The following LANCL2 variants were observed in gnomAD, a reference collection of about 807,000 sequenced individuals.
LANCL2 encodes the protein lanC-like protein 2.
A neutral mutation model predicts 56.9 loss-of-function variants in LANCL2; 33 were observed. The ratio of observed to expected loss-of-function variants is 0.58; its 90% CI spans 0.44 to 0.78. LANCL2 has a LOEUF of 0.78. LANCL2 is among the 30% of genes least tolerant of loss of function. The pLI, the probability that LANCL2 is intolerant of heterozygous loss-of-function variation, is 0.00. For missense variants in LANCL2, 562 were observed against 580.2 expected, an observed-to-expected ratio of 0.97 and a Z score of 0.32; for synonymous variants, 233 against 228.2, an observed-to-expected ratio of 1.02 and a Z score of -0.19.
intron 6 of LANCL2, among the ~76,000 whole-genome samples, chr7:55,422,289 G>A (rs1165400401): frequency 1.3e-5 from 2 of 152,002 alleles, no homozygotes; most frequent in Non-Finnish European, 2.9e-5. Flanking sequence ...AGTTTTGCTG[G>A]GTGTGGAATT....
At chr7:55,385,408 T>A (rs535659660) in intron 1 of LANCL2, among the ~76,000 whole-genome samples, 1 of 152,118 alleles carries the variant, frequency 6.6e-6, no homozygotes, top group African/African-American at 2.4e-5. Context: ...ATCATGTAGG[T>A]TCTTTTCTAT....
At position 55,365,571 on chromosome 7, in the gene LANCL2, C is replaced by A. The variant is rs78936413; in HGVS notation, c.-455C>A. On this transcript the variant is annotated 5_prime_UTR_variant, in exon 1 of 9. Coordinates refer to ENST00000254770, the MANE Select transcript of LANCL2 (RefSeq NM_018697.4). ...GCGACCTCTTCTCTACAGGTTTTCC[C>A]CGCGGGAGCGTGGCCCTAGCGGGCG... 16,518 of 153,672 alleles carry A rather than the reference C, an allele frequency of 0.11. 961 individuals carry two copies. The highest frequency in any genetic ancestry group is 0.16 in the Middle Eastern group (47 of 302). 9.5% of individuals were successfully genotyped at this position (153,672 alleles called of 1,614,324 possible).
chr7:55,422,324 G>A (rs564539452), intron 6 of LANCL2, among the ~76,000 whole-genome samples: 1 of 151,152 alleles, frequency 6.6e-6, no homozygotes, highest in Admixed American at 6.6e-5. Flanking sequence ...TTTTCTTTTC[G>A]GTGCTTTAAA....
At chr7:55,406,027 C>T (rs972274868) in intron 5 of LANCL2, among the ~76,000 whole-genome samples, 3 of 152,134 alleles carry the variant, frequency 2.0e-5, no homozygotes, top group Non-Finnish European at 2.9e-5. Context: ...CAGCCTGCAG[C>T]TAATCATACG....
intron 1 of LANCL2, among the ~76,000 whole-genome samples, chr7:55,380,115 G>C (rs899810699): frequency 6.6e-6 from 1 of 152,152 alleles, no homozygotes; most frequent in African/African-American, 2.4e-5. Context: ...GAAAGCTAAT[G>C]GTATGTTTTA....
intron 1 of LANCL2, among the ~76,000 whole-genome samples, chr7:55,366,530 G>T (rs1158152228): frequency 6.6e-6 from 1 of 152,160 alleles, no homozygotes; most frequent in Non-Finnish European, 1.5e-5. Flanking sequence ...TTGTGCACTC[G>T]TGAGGCCCGC....
At chr7:55,424,846 G>A (rs375017013) in intron 6 of LANCL2, among the ~76,000 whole-genome samples, 2 of 152,286 alleles carry the variant, frequency 1.3e-5, no homozygotes, top group East Asian at 1.9e-4. Context: ...TCAGATCAGC[G>A]GCCACATTAG....
rs1479855123 is a variant in LANCL2, at chr7:55,365,818, C to T, written c.-208C>T. ...CGCCAGGAACAGGGCAGAGGCACAG[C>T]GCCCACCGCCTCTGCGGCCGCCTGA... On this transcript the variant is annotated 5_prime_UTR_variant, in exon 1 of 9. Transcript: ENST00000254770. 2.2e-6 allele frequency: 1 copy of T among 444,732 alleles called. No individual in the cohort carries two copies. The highest frequency in any genetic ancestry group is 4.0e-6 in the Non-Finnish European group (1 of 251,496). The allele number at this position is 444,732 out of a possible 1,614,324, so 27.5% of individuals were successfully genotyped here. A position where few individuals can be genotyped will look rare whatever the true frequency, so the allele number is the denominator to read the frequency against.
chr7:55,417,050 G>GCTCA (rs1790550699), intron 6 of LANCL2, among the ~76,000 whole-genome samples: 1 of 132,566 alleles, frequency 7.5e-6, no homozygotes, highest in Admixed American at 9.4e-5. Flanking sequence ...CACGATCTCT[G>GCTCA]CTCACTACAA....
chr7:55,402,623 G>A lies in LANCL2; in HGVS notation c.825+1303G>A, dbSNP rs1268294087. 2.9e-4 allele frequency among the ~76,000 whole-genome samples: 32 copies of A among 110,560 alleles called. 1 individual carries two copies. The highest frequency in any genetic ancestry group is 9.0e-4 in the African/African-American group (24 of 26,726). The allele number at this position is 110,560 out of a possible 152,430, so 72.5% of individuals were successfully genotyped here. ...GGGATGACCCCCCCACCTCCCTCCCGGATGGGGCGGCTGGCTGGGCGGGGG... is the reference window on the plus strand; with the variant it reads ...GGGATGACCCCCCCACCTCCCTCCCAGATGGGGCGGCTGGCTGGGCGGGGG... On this transcript the variant is annotated intron_variant, in intron 5 of 8. Transcript: ENST00000254770.
At chr7:55,409,939 A>T (rs1272659011) in intron 5 of LANCL2, among the ~76,000 whole-genome samples, 2 of 152,242 alleles carry the variant, frequency 1.3e-5, no homozygotes, top group Non-Finnish European at 2.9e-5. Context: ...TATAGTCTGT[A>T]AAGAACACAG....
chr7:55,423,438 C>G (rs1359773596), intron 6 of LANCL2, among the ~76,000 whole-genome samples: 2 of 152,242 alleles, frequency 1.3e-5, no homozygotes, highest in African/African-American at 4.8e-5. Context: ...TGTGTGATTT[C>G]AGAACACAGC....
At chr7:55,411,649 T>G (rs1315932861) in intron 5 of LANCL2, among the ~76,000 whole-genome samples, 1 of 152,192 alleles carries the variant, frequency 6.6e-6, no homozygotes, top group Non-Finnish European at 1.5e-5. Context: ...CACTTGCCAT[T>G]TAATCATTTC....
chr7:55,419,558 C>A (rs192162020), intron 6 of LANCL2, among the ~76,000 whole-genome samples: 8 of 151,970 alleles, frequency 5.3e-5, no homozygotes, highest in African/African-American at 1.9e-4. Context: ...CGAGGTACCA[C>A]GCCTGACTAA....
intron 5 of LANCL2, among the ~76,000 whole-genome samples, chr7:55,407,895 G>A (rs569119230): frequency 6.6e-5 from 10 of 152,314 alleles, no homozygotes; most frequent in South Asian, 6.2e-4. Context: ...GATTCCCACC[G>A]TTCCGCAGCC....
At position 55,366,140 on chromosome 7, in the gene LANCL2, C is replaced by G. The variant is rs370577210; in HGVS notation, c.115C>G (p.Leu39Val). 2.5e-5 allele frequency: 38 copies of G among 1,548,496 alleles called. No individual in the cohort carries two copies. The highest frequency in any genetic ancestry group is 3.3e-5 in the Non-Finnish European group (38 of 1,144,744). Residue 39 changes from leucine to valine, a missense_variant, in exon 1 of 9, where the codon CTC (leucine) becomes GTC (valine). Physicochemically the swap from Leu to Val is conservative, Grantham distance 32. Transcript: ENST00000254770. ...PDYEAAAGAL[L>V]ASGAAEETGC... ...CTACGAGGCCGCCGCCGGGGCGCTG[C>G]TCGCCTCCGGAGCGGCCGAAGAGAC...
intron 5 of LANCL2, among the ~76,000 whole-genome samples, chr7:55,407,900 G>T (rs986834703): frequency 1.3e-5 from 2 of 152,182 alleles, no homozygotes; most frequent in African/African-American, 2.4e-5. Context: ...CCACCGTTCC[G>T]CAGCCCCTCC....
At chr7:55,366,821 G>T (rs1313399452) in intron 1 of LANCL2, among the ~76,000 whole-genome samples, 2 of 152,188 alleles carry the variant, frequency 1.3e-5, no homozygotes, top group Non-Finnish European at 2.9e-5. Flanking sequence ...ACGTGAAAAA[G>T]ACACAAAGAA....
chr7:55,369,363 CTCTA>C (rs1789911739), intron 1 of LANCL2, among the ~76,000 whole-genome samples: 1 of 152,196 alleles, frequency 6.6e-6, no homozygotes, highest in African/African-American at 2.4e-5. Flanking sequence ...AAGTCATTCA[CTCTA>C]TCTCATTTTA....
Sources: gnomAD v4.1 joint callset for allele counts (sites outside exome capture counted in the v4.1 genomes callset) on GRCh38, gnomAD v4.1.1 for gene constraint, MANE v1.5 for transcripts, NCBI Gene and HGNC (gene_info 2026-07-23, HGNC 2026-07-21) for gene names.